VSIR: variants seen among roughly 807,000 people sequenced by gnomAD.
VSIR encodes the protein V-type immunoglobulin domain-containing suppressor of T-cell activation.
A neutral mutation model predicts 31.0 loss-of-function variants in VSIR; 10 were observed. The observed-to-expected ratio is 0.32, with a 90% CI of 0.20 to 0.55. The LOEUF is 0.55. Ranked by LOEUF, VSIR falls within the 20% of genes least tolerant of loss-of-function variation. The pLI is 0.93. For synonymous variants in VSIR, 179 were observed against 180.1 expected, an observed-to-expected ratio of 0.99 and a Z score of 0.05; for missense variants, 356 against 416.2, an observed-to-expected ratio of 0.86 and a Z score of 1.26.
At chr10:71,772,542 A>G (rs1021214167) in intron 1 of VSIR, among the ~76,000 whole-genome samples, 14 of 152,208 alleles carry the variant, frequency 9.2e-5, no homozygotes, top group African/African-American at 2.9e-4. Context: ...CCAGGATACT[A>G]TCTGAACATG....
chr10:71,766,359 GCCCGCCA>G (rs1202847525), intron 1 of VSIR, among the ~76,000 whole-genome samples: 1 of 151,848 alleles, frequency 6.6e-6, no homozygotes, highest in Non-Finnish European at 1.5e-5. Flanking sequence ...CAGGCCCCCC[GCCCGCCA>G]CCCGCCACCT....
Position 71,751,656 on chromosome 10 carries a change from G to C in VSIR, c.898+12C>G. 1 of 1,521,540 alleles carries C rather than the reference G, an allele frequency of 6.6e-7. No homozygotes were observed. Among genetic ancestry groups the C allele is most frequent in the Non-Finnish European group, 8.8e-7 (1 of 1,135,554 alleles). 94.3% of individuals were successfully genotyped at this position (1,521,540 alleles called of 1,614,324 possible). ...ACAGGTCATCGTGCTGTGAAGGTCA[G>C]GAAACACTTACCCAGGGATGGGAAG... is the stretch of plus-strand genomic sequence containing the variant. On this transcript the variant is annotated intron_variant, in intron 6 of 6. Coordinates refer to ENST00000394957, the MANE Select transcript of VSIR (RefSeq NM_022153.2). This position sits in a 1 kb window ranked among gnomAD's most constrained non-coding sequence, Gnocchi z 4.9.
At position 71,759,924 on chromosome 10, in the gene VSIR, CACACACATATAT is replaced by C. The variant is rs566503699; in HGVS notation, c.568+932_568+943del. Among the ~76,000 whole-genome samples the C allele has an allele frequency of 1.4e-3, 123 of 88,122 alleles. 4 individuals carry two copies. The highest frequency in any genetic ancestry group is 5.3e-3 in the Middle Eastern group (1 of 188). 57.8% of individuals were successfully genotyped at this position (88,122 alleles called of 152,430 possible). A position where few individuals can be genotyped will look rare whatever the true frequency, so the allele number is the denominator to read the frequency against. ...ATATATACACACACACATATATACA[CACACACATATAT>C]ACACACACACATATATATACACACA... On this transcript the variant is annotated intron_variant, in intron 3 of 6. Coordinates refer to ENST00000394957, the MANE Select transcript of VSIR (RefSeq NM_022153.2).
At chr10:71,771,911 G>A (rs1301974967) in intron 1 of VSIR, among the ~76,000 whole-genome samples, 2 of 152,210 alleles carry the variant, frequency 1.3e-5, no homozygotes, top group Non-Finnish European at 2.9e-5. Flanking sequence ...GTGAGGGCAG[G>A]AAGTGGGCAA....
At chr10:71,766,823 G>T (rs763231976) in intron 1 of VSIR, among the ~76,000 whole-genome samples, 1 of 152,142 alleles carries the variant, frequency 6.6e-6, no homozygotes, top group African/African-American at 2.4e-5. Flanking sequence ...CAGACAGGAA[G>T]AGCCACCCAC....
In VSIR at chr10:71,750,589, A is replaced by T. The variant is rs1285667514; in HGVS notation, c.*664T>A. The T allele has an allele frequency of 6.6e-6, 1 of 152,414 alleles. No individual in the cohort carries two copies. Among genetic ancestry groups the T allele is most frequent in the Non-Finnish European group, 1.5e-5 (1 of 68,158 alleles). 9.4% of individuals were successfully genotyped at this position (152,414 alleles called of 1,614,324 possible). A position where few individuals can be genotyped will look rare whatever the true frequency, so the allele number is the denominator to read the frequency against. On this transcript the variant is annotated 3_prime_UTR_variant, in exon 7 of 7. Transcript: ENST00000394957. ...TTGCTCACGGAGGCCACCATGCCCC[A>T]ATATGTACTTCCCGTTTCGGGACCA...
intron 4 of VSIR, 123 bp downstream of exon 4, chr10:71,755,236 C>A: frequency 1.1e-6 from 1 of 933,762 alleles, no homozygotes; most frequent in East Asian, 2.7e-5. Context: ...GCAGCTGCTC[C>A]CAACTCTCAA....
intron 4 of VSIR, 188 bp downstream of exon 4, chr10:71,755,171 G>C: frequency 1.5e-6 from 1 of 687,880 alleles, no homozygotes; most frequent in Middle Eastern, 2.4e-4. Context: ...CTTGGCCCCC[G>C]GAAATGGCAT....
chr10:71,759,820 TACAC>T (rs1289055534), intron 3 of VSIR, among the ~76,000 whole-genome samples: 1 of 85,276 alleles, frequency 1.2e-5, no homozygotes, highest in Non-Finnish European at 2.5e-5. Flanking sequence ...TCAGAAAATA[TACAC>T]ACACACACAC....
At chr10:71,766,151 G>A (rs933411366) in intron 1 of VSIR, among the ~76,000 whole-genome samples, 1 of 152,238 alleles carries the variant, frequency 6.6e-6, no homozygotes, top group Non-Finnish European at 1.5e-5. Flanking sequence ...ATTCTTTGGC[G>A]AGAGGATGTT....
chr10:71,755,171 G>A (rs149669434), intron 4 of VSIR, 188 bp downstream of exon 4: 90 of 687,880 alleles, frequency 1.3e-4, no homozygotes, highest in Middle Eastern at 4.8e-4. Flanking sequence ...CTTGGCCCCC[G>A]GAAATGGCAT....
intron 3 of VSIR, among the ~76,000 whole-genome samples, chr10:71,759,868 T>TATATACACACACAC (rs1840264015): frequency 2.1e-5 from 2 of 95,868 alleles, no homozygotes; most frequent in Non-Finnish European, 2.4e-5. Context: ...CACACACATA[T>TATATACACACACAC]ATATACACAC....
chr10:71,758,479 G>A (rs906382168), intron 3 of VSIR, among the ~76,000 whole-genome samples: 8 of 152,178 alleles, frequency 5.3e-5, no homozygotes, highest in South Asian at 2.1e-4. Context: ...ACCTCTCAGC[G>A]CCAGGCACCC....
chr10:71,764,984 G>A (rs951935850), intron 1 of VSIR, among the ~76,000 whole-genome samples: 16 of 152,234 alleles, frequency 1.1e-4, no homozygotes, highest in Admixed American at 9.2e-4. Flanking sequence ...GGTTTTGTCC[G>A]TGCTGGCCTG....
At chr10:71,771,128 T>C (rs987738963) in intron 1 of VSIR, among the ~76,000 whole-genome samples, 1 of 152,140 alleles carries the variant, frequency 6.6e-6, no homozygotes, top group Non-Finnish European at 1.5e-5. Context: ...TGAGTCAGCC[T>C]GTGAGGACAG....
In VSIR at chr10:71,751,807, C is replaced by A. The variant is rs961111498; in HGVS notation, c.759G>T (p.Gly253=). 6.3e-7 allele frequency: 1 copy of A among 1,587,256 alleles called. No individual in the cohort carries two copies. Among genetic ancestry groups the A allele is most frequent in the Non-Finnish European group, 8.6e-7 (1 of 1,167,632 alleles). The change falls in exon 6 of 7, where the codon GGG becomes GGT. Residue 253 remains glycine, a synonymous_variant. Transcript: ENST00000394957. This position sits in a 1 kb window ranked among gnomAD's most constrained non-coding sequence, Gnocchi z 4.9. ...PGFEASPPAQ[G]IPEAKVRHPL... The stretch of plus-strand genomic sequence containing the variant: ...GGTGCCTGACTTTGGCCTCGGGTAT[C>A]CCCTGGGCAGGTGGTGAGGCTTCAA...
At chr10:71,768,423 G>A (rs982123298) in intron 1 of VSIR, among the ~76,000 whole-genome samples, 14 of 152,030 alleles carry the variant, frequency 9.2e-5, no homozygotes, top group South Asian at 4.1e-4. Context: ...CACCCGCCTC[G>A]TCCTCCCCAA....
rs1840043181 is a variant in VSIR at position 71,752,965 on chromosome 10, T to C, written c.704+10A>G. ...GGAAGTTTTCTCAAGAAGGTCTCCA[T>C]GGGCCTTACCTGTCCATCCGCACCA... On this transcript the variant is annotated intron_variant, in intron 5 of 6. Coordinates refer to ENST00000394957, the MANE Select transcript of VSIR (RefSeq NM_022153.2). 1.9e-6 allele frequency: 3 copies of C among 1,612,578 alleles called. No individual in the cohort carries two copies. Among genetic ancestry groups the C allele is most frequent in the Non-Finnish European group, 1.7e-6 (2 of 1,179,296 alleles).
chr10:71,773,350 G>A lies in VSIR; in HGVS notation c.82+8C>T. 1 of 1,603,956 alleles carries A rather than the reference G, an allele frequency of 6.2e-7. No homozygotes were observed. The highest frequency in any genetic ancestry group is 1.3e-5 in the African/African-American group (1 of 74,486). On this transcript the variant is annotated splice_region_variant and intron_variant, in intron 1 of 6. Coordinates refer to ENST00000394957, the MANE Select transcript of VSIR (RefSeq NM_022153.2). ...TTTTTCCCAGCGCCCCGCCTCCCCCGACCTTACCTAGGGACGCAGCCAGGA... is the reference window on the plus strand; with the variant it reads ...TTTTTCCCAGCGCCCCGCCTCCCCCAACCTTACCTAGGGACGCAGCCAGGA...
Sources: gnomAD v4.1 joint callset for allele counts (sites outside exome capture counted in the v4.1 genomes callset) on GRCh38, gnomAD v4.1.1 for gene constraint, Gnocchi (gnomAD v3.1) non-coding constraint, MANE v1.5 for transcripts, NCBI Gene and HGNC (gene_info 2026-07-23, HGNC 2026-07-21) for gene names.